FAM185A: variants seen among roughly 807,000 people sequenced by gnomAD.
FAM185A encodes the protein protein FAM185A.
FAM185A carries 21 observed loss-of-function variants against 45.7 expected under a neutral mutation model. The ratio of observed to expected loss-of-function variants is 0.46; its 90% CI spans 0.33 to 0.66. The LOEUF (loss-of-function observed/expected upper bound fraction) is 0.66. Among genes scored for constraint, FAM185A ranks in the 30% least tolerant of loss-of-function variants. The pLI, the probability that FAM185A is intolerant of heterozygous loss-of-function variation, is 0.03. For missense variants in FAM185A, 305 were observed against 485.4 expected, an observed-to-expected ratio of 0.63 and a Z score of 3.49; for synonymous variants, 117 against 194.0, an observed-to-expected ratio of 0.60 and a Z score of 3.30.
chr7:102,843,523 C>T, the FAM185A span, among the ~76,000 whole-genome samples: 3 of 151,926 alleles, frequency 2.0e-5, no homozygotes, highest in Non-Finnish European at 4.4e-5. Flanking sequence ...GTCTGTAATC[C>T]TAGCACTTCA....
Position 102,808,476 on chromosome 7 carries a change from C to G in FAM185A, c.*74C>G. The G allele has an allele frequency of 2.2e-6, 2 of 924,134 alleles. No homozygotes were observed. The highest frequency in any genetic ancestry group is 3.4e-6 in the Non-Finnish European group (2 of 582,604). 57.2% of individuals were successfully genotyped at this position (924,134 alleles called of 1,614,324 possible). ...GTGACTACAAAAATGTAAATCCCAC[C>G]ATTCATATAAAGGTTGAAAACAACA... is the stretch of plus-strand genomic sequence containing the variant. On this transcript the variant is annotated 3_prime_UTR_variant, in exon 8 of 8. Transcript: ENST00000413034.
intron 7 of FAM185A, among the ~76,000 whole-genome samples, chr7:102,791,602 G>C (rs1166639070): frequency 2.6e-5 from 4 of 152,232 alleles, no homozygotes; most frequent in African/African-American, 9.6e-5. Context: ...TGTTCACAGT[G>C]GAAGAATCTA....
the FAM185A span, among the ~76,000 whole-genome samples, chr7:102,845,023 C>T: frequency 6.6e-6 from 1 of 152,136 alleles, no homozygotes; most frequent in East Asian, 1.9e-4. Flanking sequence ...GGAGTGCACC[C>T]CTCTCCTGAC....
chr7:102,806,199 C>T (rs1344756957), intron 7 of FAM185A, among the ~76,000 whole-genome samples: 1 of 151,546 alleles, frequency 6.6e-6, no homozygotes, highest in African/African-American at 2.4e-5. Context: ...ATTTTTCTTC[C>T]CTGAGACGTA....
chr7:102,784,323 A>T (rs1169006540), intron 6 of FAM185A, among the ~76,000 whole-genome samples: 8 of 151,864 alleles, frequency 5.3e-5, no homozygotes, highest in African/African-American at 1.7e-4. Flanking sequence ...AATCCTTCCT[A>T]ACTCATTTTA....
chr7:102,791,910 C>T (rs529636475), intron 7 of FAM185A, among the ~76,000 whole-genome samples: 15 of 151,976 alleles, frequency 9.9e-5, no homozygotes, highest in Non-Finnish European at 2.1e-4. Context: ...GGGCAGATTG[C>T]TTTTTTCTGT....
the FAM185A span, among the ~76,000 whole-genome samples, chr7:102,822,690 A>T: frequency 6.6e-6 from 1 of 152,272 alleles, no homozygotes; most frequent in Non-Finnish European, 1.5e-5. Flanking sequence ...AGCTTGTCAC[A>T]TAATGGGCCT....
chr7:102,782,408 G>A (rs1415524355), intron 6 of FAM185A, among the ~76,000 whole-genome samples: 6 of 151,592 alleles, frequency 4.0e-5, no homozygotes, highest in Admixed American at 6.6e-5. Flanking sequence ...GAGAAAGGTC[G>A]GGTTACCCAC....
At chr7:102,820,407 T>A in the FAM185A span, among the ~76,000 whole-genome samples, 1 of 152,204 alleles carries the variant, frequency 6.6e-6, no homozygotes, top group Non-Finnish European at 1.5e-5. Context: ...GAGTTCTACA[T>A]TGGGGTTTTG....
chr7:102,812,284 A>G (rs1318299852), downstream of FAM185A, among the ~76,000 whole-genome samples: 2 of 152,232 alleles, frequency 1.3e-5, no homozygotes, highest in Non-Finnish European at 2.9e-5. Flanking sequence ...TTAAAAACTA[A>G]TATGTAGATA....
downstream of FAM185A, among the ~76,000 whole-genome samples, chr7:102,809,514 T>A (rs1008487172): frequency 2.0e-5 from 3 of 151,884 alleles, no homozygotes; most frequent in African/African-American, 7.3e-5. Context: ...GCTAACATGG[T>A]AAAACCCCAT....
chr7:102,756,027 G>A (rs1421219640), intron 2 of FAM185A: 2 of 328,708 alleles, frequency 6.1e-6, no homozygotes, highest in Non-Finnish European at 1.1e-5. Context: ...CTTTTCAAAG[G>A]TTTATCACAT....
downstream of FAM185A, among the ~76,000 whole-genome samples, chr7:102,812,475 T>G (rs1797484838): frequency 6.6e-6 from 1 of 152,206 alleles, no homozygotes; most frequent in Admixed American, 6.5e-5. Context: ...CCTGACTAAG[T>G]CAAATGTTGA....
At chr7:102,771,023 C>T (rs983800513) in intron 4 of FAM185A, among the ~76,000 whole-genome samples, 3 of 152,154 alleles carry the variant, frequency 2.0e-5, no homozygotes, top group Non-Finnish European at 4.4e-5. Flanking sequence ...GAATACTATG[C>T]GGCCATAAAG....
chr7:102,797,744 T>C (rs569339660), intron 7 of FAM185A, among the ~76,000 whole-genome samples: 3 of 152,308 alleles, frequency 2.0e-5, no homozygotes, highest in Middle Eastern at 3.4e-3. Flanking sequence ...AAAGTGTTTG[T>C]AGTATAAAAG....
chr7:102,787,421 G>A lies in FAM185A; in HGVS notation c.1018G>A (p.Val340Ile), dbSNP rs749728779. The A allele has an allele frequency of 2.1e-4, 316 of 1,535,588 alleles. No individual in the cohort carries two copies. The highest frequency in any genetic ancestry group is 2.6e-4 in the Non-Finnish European group (299 of 1,135,466). Residue 340 changes from valine to isoleucine, a missense_variant, in exon 7 of 8, where the codon GTT becomes ATT. By Grantham distance (29) the Val-to-Ile change is conservative. Coordinates refer to ENST00000413034, the MANE Select transcript of FAM185A (RefSeq NM_001145268.2). ...KEVDVNSEVH[V>I]QEMAEVRKDD... ...GGTTGATGTGAACTCAGAAGTCCAT[G>A]TTCAGGAAATGGCTGAAGTTCGTAA...
the FAM185A span, among the ~76,000 whole-genome samples, chr7:102,848,219 TG>T: frequency 1.3e-5 from 2 of 152,182 alleles, no homozygotes; most frequent in African/African-American, 2.4e-5. Context: ...TAGAAATTTT[TG>T]TCTAGCTGCA....
chr7:102,776,702 TAAAA>T (rs72022042), intron 5 of FAM185A, among the ~76,000 whole-genome samples: 6 of 97,088 alleles, frequency 6.2e-5, no homozygotes, highest in Non-Finnish European at 8.5e-5. Flanking sequence ...ACCCTGTCTC[TAAAA>T]AAAAAAAAAA....
At chr7:102,802,232 G>C (rs1441923068) in intron 7 of FAM185A, among the ~76,000 whole-genome samples, 15 of 152,090 alleles carry the variant, frequency 9.9e-5, no homozygotes, top group Non-Finnish European at 2.2e-4. Context: ...ACAACTGCAG[G>C]ATACACATTC....
Sources: allele counts gnomAD v4.1 joint callset (sites outside exome capture counted in the v4.1 genomes callset), GRCh38; gene constraint gnomAD v4.1.1; transcripts MANE v1.5; gene names NCBI Gene and HGNC (gene_info 2026-07-23, HGNC 2026-07-21).